Variants in STK39 observed in about 807,000 individuals in gnomAD.
The protein encoded by STK39 is STE20/SPS1-related proline-alanine-rich protein kinase.
In STK39, 20 loss-of-function variants were observed where a neutral mutation model predicts 77.8. The ratio of observed to expected loss-of-function variants is 0.26; its 90% confidence interval spans 0.18 to 0.37. The LOEUF (loss-of-function observed/expected upper bound fraction) is 0.37, where lower values mean the gene tolerates loss of function less well. Ranked by LOEUF, STK39 falls within the 10% of genes least tolerant of loss-of-function variation. STK39 has a pLI of 1.00. For synonymous variants in STK39, 246 were observed against 234.1 expected (o/e 1.05, Z -0.47); for missense variants, 479 against 656.5 (o/e 0.73, Z 2.95).
At chr2:168,011,538 G>A (rs945436352) in intron 16 of STK39, among the ~76,000 whole-genome samples, 1 of 152,044 alleles carries the variant, frequency 6.6e-6, no homozygotes, top group Admixed American at 6.6e-5. Flanking sequence ...TCTCTATAAA[G>A]TCAGAATTTG....
chr2:168,085,365 T>C (rs1487582852), intron 10 of STK39, among the ~76,000 whole-genome samples: 1 of 152,198 alleles, frequency 6.6e-6, no homozygotes, highest in Non-Finnish European at 1.5e-5. Flanking sequence ...AGAACTCCCA[T>C]GGACCTGTGT....
At chr2:168,196,136 G>T (rs769127330) in intron 1 of STK39, among the ~76,000 whole-genome samples, 8 of 152,236 alleles carry the variant, frequency 5.3e-5, no homozygotes, top group Non-Finnish European at 8.8e-5. Flanking sequence ...CTCACACTAA[G>T]AATAATAGCA....
At chr2:168,079,863 G>A (rs1473199053) in intron 10 of STK39, among the ~76,000 whole-genome samples, 1 of 152,174 alleles carries the variant, frequency 6.6e-6, no homozygotes, top group Non-Finnish European at 1.5e-5. Context: ...ATAGTAGCTT[G>A]TGAGCTGAGA....
At chr2:168,172,570 A>G (rs1688855596) in intron 2 of STK39, among the ~76,000 whole-genome samples, 1 of 152,234 alleles carries the variant, frequency 6.6e-6, no homozygotes, top group Non-Finnish European at 1.5e-5. Context: ...ACAAGTTTAA[A>G]GATATAAGAA....
At chr2:168,143,767 T>A (rs149517615) in intron 5 of STK39, among the ~76,000 whole-genome samples, 2 of 151,544 alleles carry the variant, frequency 1.3e-5, no homozygotes, top group Admixed American at 6.6e-5. Flanking sequence ...AAAGTCAAAA[T>A]CCTTCAGCAT....
At chr2:167,987,487 A>G (rs866287759) in intron 16 of STK39, among the ~76,000 whole-genome samples, 4 of 150,242 alleles carry the variant, frequency 2.7e-5, no homozygotes, top group African/African-American at 7.6e-5. Context: ...GCTGGGACAA[A>G]AATATATATA....
chr2:168,114,250 C>T (rs1279455884), intron 10 of STK39, among the ~76,000 whole-genome samples: 3 of 152,040 alleles, frequency 2.0e-5, no homozygotes, highest in Non-Finnish European at 2.9e-5. Context: ...GAAGGAAGAA[C>T]GAAAGAGCAG....
intron 5 of STK39, among the ~76,000 whole-genome samples, chr2:168,146,334 T>A (rs3820876): frequency 0.15 from 23,588 of 152,240 alleles, 1,946 homozygotes; most frequent in East Asian, 0.25. Context: ...TACCTCAAAC[T>A]TCTACAGTAT....
At position 168,086,406 on chromosome 2, in the gene STK39, CA is replaced by C. The variant is rs1271050177; in HGVS notation, c.1090-11176del. Among the ~76,000 whole-genome samples the C allele has an allele frequency of 1.9e-4, 29 of 152,286 alleles. 1 individual carries two copies. The highest frequency in any genetic ancestry group is 6.7e-4 in the African/African-American group (28 of 41,558). On this transcript the variant is annotated intron_variant, in intron 10 of 17. Coordinates refer to ENST00000355999, the MANE Select transcript of STK39 (RefSeq NM_013233.3). ...AATGCCCATTTCTATTAATCATAGG[CA>C]AGTGGCAAGAGCTAAATATTGGACC...
At chr2:168,017,596 T>TC (rs1225386388) in intron 14 of STK39, among the ~76,000 whole-genome samples, 4 of 151,924 alleles carry the variant, frequency 2.6e-5, no homozygotes, top group Non-Finnish European at 5.9e-5. Context: ...GGTCCCAAAC[T>TC]CCCGACCTCA....
At chr2:167,992,644 G>A (rs1031746009) in intron 16 of STK39, among the ~76,000 whole-genome samples, 86 of 152,122 alleles carry the variant, frequency 5.7e-4, no homozygotes, top group Admixed American at 2.6e-3. Context: ...AATATGGGCT[G>A]AAGTAATTTT....
At chr2:168,208,945 C>A (rs759238838) in intron 1 of STK39, among the ~76,000 whole-genome samples, 1 of 152,184 alleles carries the variant, frequency 6.6e-6, no homozygotes, top group Non-Finnish European at 1.5e-5. Flanking sequence ...TTGTGTTGTG[C>A]TAATCTCCTG....
intron 10 of STK39, among the ~76,000 whole-genome samples, chr2:168,090,725 G>A (rs1043544160): frequency 4.6e-5 from 7 of 152,104 alleles, no homozygotes; most frequent in Non-Finnish European, 7.4e-5. Flanking sequence ...AGACTCAAAG[G>A]CATTTTACCA....
chr2:168,062,516 G>A (rs1418713459), intron 14 of STK39, among the ~76,000 whole-genome samples: 4 of 152,214 alleles, frequency 2.6e-5, no homozygotes, highest in South Asian at 2.1e-4. Context: ...TGACAAATAC[G>A]TGAAAATGCA....
chr2:168,245,232 AC>A (rs1368705602), intron 1 of STK39, among the ~76,000 whole-genome samples: 6 of 151,954 alleles, frequency 3.9e-5, no homozygotes, highest in Non-Finnish European at 7.4e-5. Flanking sequence ...CTCAACTACG[AC>A]CTCTACTAAG....
chr2:168,210,394 T>C (rs1049632788), intron 1 of STK39, among the ~76,000 whole-genome samples: 2 of 152,212 alleles, frequency 1.3e-5, no homozygotes, highest in Non-Finnish European at 2.9e-5. Context: ...AAAGAAAATA[T>C]GTTGTGGTTT....
intron 12 of STK39, among the ~76,000 whole-genome samples, chr2:168,073,056 G>A (rs1256954700): frequency 1.3e-5 from 2 of 152,136 alleles, no homozygotes; most frequent in African/African-American, 4.8e-5. Flanking sequence ...AATCAAATGA[G>A]TCTAGATGCA....
At chr2:168,035,093 G>A (rs936600732) in intron 14 of STK39, among the ~76,000 whole-genome samples, 12 of 152,182 alleles carry the variant, frequency 7.9e-5, no homozygotes, top group African/African-American at 2.9e-4. Flanking sequence ...AATGATTTGA[G>A]GTTGGCCTGG....
chr2:168,020,516 G>A (rs1286808905), intron 14 of STK39, among the ~76,000 whole-genome samples: 3 of 151,440 alleles, frequency 2.0e-5, no homozygotes, highest in Admixed American at 6.6e-5. Context: ...TCCCTGAAAG[G>A]GTCTCAAAGA....
Sources: gnomAD v4.1 joint callset for allele counts (sites outside exome capture counted in the v4.1 genomes callset) on GRCh38, gnomAD v4.1.1 for gene constraint, MANE v1.5 for transcripts, NCBI Gene and HGNC (gene_info 2026-07-23, HGNC 2026-07-21) for gene names.